Variants in PCDH11X observed in about 807,000 individuals in gnomAD.
PCDH11X encodes protocadherin-11 X-linked.
PCDH11X carries 18 observed loss-of-function variants against 53.3 expected under a neutral mutation model. That is an observed-to-expected ratio of 0.34 (90% CI 0.23 to 0.50). The LOEUF is 0.50. Among genes scored for constraint, PCDH11X ranks in the 20% least tolerant of loss-of-function variants. The probability of loss-of-function intolerance (pLI) is 0.98; values close to 1 mark genes in which losing one functional copy is unlikely to be tolerated. For missense variants in PCDH11X, 570 were observed against 1,032.4 expected, an observed-to-expected ratio of 0.55 and a Z score of 6.14; for synonymous variants, 279 against 393.3, an observed-to-expected ratio of 0.71 and a Z score of 3.44.
At chrX:91,975,363 CAGG>C (rs2062032710) in intron 6 of PCDH11X, among the ~76,000 whole-genome samples, 1 of 111,882 alleles carries the variant, frequency 8.9e-6, no homozygotes, top group African/African-American at 3.3e-5. Context: ...GCACATGGAT[CAGG>C]AGTTCAGTTT....
intron 1 of PCDH11X, among the ~76,000 whole-genome samples, chrX:91,788,971 G>A (rs1325070498): frequency 1.8e-5 from 2 of 110,907 alleles, no homozygotes; most frequent in African/African-American, 3.3e-5. Flanking sequence ...AGGCTGAGGC[G>A]GGCAGATCAC....
rs1408782307 is a variant in PCDH11X, at chrX:92,306,907, G to T, written c.3144+43764G>T. Among the ~76,000 whole-genome samples, 4 of 111,103 alleles carry T rather than the reference G, an allele frequency of 3.6e-5. No homozygotes were observed. The East Asian group carries it at 1.1e-3, about 31-fold the overall frequency. ...GGAGGTTGCAGTGAGCCAAGATCGTGCCACTGCACTCCAGCCTGGGCAACA... is the reference window on the plus strand; with the variant it reads ...GGAGGTTGCAGTGAGCCAAGATCGTTCCACTGCACTCCAGCCTGGGCAACA... On this transcript the variant is annotated intron_variant, in intron 8 of 10. Transcript: ENST00000682573.
At chrX:91,830,359 T>C (rs1937064406) in intron 4 of PCDH11X, among the ~76,000 whole-genome samples, 1 of 111,627 alleles carries the variant, frequency 9.0e-6, no homozygotes, top group Non-Finnish European at 1.9e-5. Context: ...AGCAAGCTGT[T>C]TGTGGAATAA....
At chrX:92,365,990 G>T (rs1271589320) in intron 8 of PCDH11X, among the ~76,000 whole-genome samples, 1 of 111,223 alleles carries the variant, frequency 9.0e-6, no homozygotes, top group Non-Finnish European at 1.9e-5. Flanking sequence ...GGATGATGCT[G>T]GTCTCATAAA....
intron 9 of PCDH11X, among the ~76,000 whole-genome samples, chrX:92,389,918 T>C (rs1438289395): frequency 2.7e-5 from 3 of 109,484 alleles, no homozygotes; most frequent in Non-Finnish European, 5.7e-5. Context: ...TCTTGAACAT[T>C]AAATATCTTG....
chrX:92,589,894 G>C (rs369625525), intron 10 of PCDH11X, among the ~76,000 whole-genome samples: 23 of 111,754 alleles, frequency 2.1e-4, no homozygotes, highest in Non-Finnish European at 9.4e-5. Flanking sequence ...GAGAGGAGCC[G>C]AGTCCTGCTG....
rs780253777 is a variant in PCDH11X at position 92,330,146 on chromosome X, A to G, written c.3145-57589A>G. Among the ~76,000 whole-genome samples, 4 of 110,686 alleles carry G rather than the reference A, an allele frequency of 3.6e-5. No individual in the cohort carries two copies. The East Asian group carries it at 8.5e-4, about 24-fold the overall frequency. On this transcript the variant is annotated intron_variant, in intron 8 of 10. Transcript: ENST00000682573. ...CCGCAAATTAAAAATTTAAAAAAAA[A>G]CTTAGAATGAAAAGACAAACCACAA...
chrX:92,530,380 ATTG>A (rs2074532876), intron 10 of PCDH11X, among the ~76,000 whole-genome samples: 1 of 109,810 alleles, frequency 9.1e-6, no homozygotes, highest in Non-Finnish European at 1.9e-5. Flanking sequence ...CAGGCCTTGC[ATTG>A]TTGTTATTTT....
chrX:91,922,107 C>T (rs1028443823), intron 6 of PCDH11X, among the ~76,000 whole-genome samples: 12 of 110,982 alleles, frequency 1.1e-4, no homozygotes, highest in Non-Finnish European at 1.3e-4. Context: ...TCTGTTATTG[C>T]TAATGTTGGC....
At chrX:92,524,497 GTATCTACTGCCCATATTGA>G (rs1420741772) in intron 10 of PCDH11X, among the ~76,000 whole-genome samples, 7 of 100,236 alleles carry the variant, frequency 7.0e-5, no homozygotes, top group Non-Finnish European at 8.1e-5. Context: ...TCCAATATGG[GTATCTACTGCCCATATTGA>G]TATCTACTGC....
chrX:91,886,717 T>A (rs759840464), intron 6 of PCDH11X, among the ~76,000 whole-genome samples: 59 of 109,801 alleles, frequency 5.4e-4, no homozygotes, highest in South Asian at 2.3e-3. Context: ...CATGCCTGTA[T>A]TCCCAGTACT....
At chrX:92,467,457 G>C (rs1321768276) in intron 9 of PCDH11X, among the ~76,000 whole-genome samples, 9 of 110,905 alleles carry the variant, frequency 8.1e-5, no homozygotes, top group Admixed American at 1.9e-4. Context: ...CTAAAATGCA[G>C]ATGTGATCAG....
intron 9 of PCDH11X, among the ~76,000 whole-genome samples, chrX:92,391,600 G>T (rs2905660): frequency 9.0e-6 from 1 of 110,861 alleles, no homozygotes; most frequent in Non-Finnish European, 1.9e-5. Context: ...CTGTTTTTAT[G>T]ATTCAGACTG....
chrX:91,843,750 C>T (rs1937568859), intron 5 of PCDH11X, among the ~76,000 whole-genome samples: 1 of 110,900 alleles, frequency 9.0e-6, no homozygotes, highest in African/African-American at 3.3e-5. Flanking sequence ...TTTTACCAAG[C>T]ACTCTCATTA....
At chrX:92,018,549 C>A (rs1319373590) in intron 6 of PCDH11X, among the ~76,000 whole-genome samples, 1 of 111,967 alleles carries the variant, frequency 8.9e-6, no homozygotes, top group Non-Finnish European at 1.9e-5. Context: ...TGAATACAGC[C>A]TCTCAGGACA....
intron 6 of PCDH11X, among the ~76,000 whole-genome samples, chrX:91,911,495 G>C (rs1731713070): frequency 9.3e-6 from 1 of 107,014 alleles, no homozygotes; most frequent in African/African-American, 3.4e-5. Flanking sequence ...ATTTTAACCT[G>C]TATAATTAAA....
At chrX:92,069,111 C>G (rs149100650) in intron 6 of PCDH11X, among the ~76,000 whole-genome samples, 1 of 110,226 alleles carries the variant, frequency 9.1e-6, no homozygotes. Context: ...GTATATCACT[C>G]TCTTCAGCTC....
At chrX:92,309,816 C>T (rs1164360564) in intron 8 of PCDH11X, among the ~76,000 whole-genome samples, 1 of 111,366 alleles carries the variant, frequency 9.0e-6, no homozygotes, top group Non-Finnish European at 1.9e-5. Context: ...GAGACATTTC[C>T]CCCAAGCCAG....
In PCDH11X at chrX:91,947,358, A is replaced by G. The variant is rs749350957; in HGVS notation, c.3033+68085A>G. Among the ~76,000 whole-genome samples the G allele has an allele frequency of 3.7e-3, 388 of 105,978 alleles. 2 individuals are homozygous for G. Among genetic ancestry groups the G allele is most frequent in the African/African-American group, 0.013 (371 of 29,245 alleles). 92.0% of individuals were successfully genotyped at this position (105,978 alleles called of 115,157 possible). A position where few individuals can be genotyped will look rare whatever the true frequency, so the allele number is the denominator to read the frequency against. ...GAGTGCAGAAGTCATCTATTTCTCTATAGTCACATTCAGGGAACATTTATA... is the reference window on the plus strand; with the variant it reads ...GAGTGCAGAAGTCATCTATTTCTCTGTAGTCACATTCAGGGAACATTTATA... On this transcript the variant is annotated intron_variant, in intron 6 of 10. Coordinates refer to ENST00000682573, the MANE Select transcript of PCDH11X (RefSeq NM_032968.5).
Sources: allele counts gnomAD v4.1 joint callset (sites outside exome capture counted in the v4.1 genomes callset), GRCh38; gene constraint gnomAD v4.1.1; transcripts MANE v1.5; gene names NCBI Gene and HGNC (gene_info 2026-07-23, HGNC 2026-07-21).